The following KCNIP4 variants were observed in gnomAD, a reference collection of about 807,000 sequenced individuals.
The protein encoded by KCNIP4 is potassium voltage-gated channel interacting protein 4.
A neutral mutation model predicts 34.0 loss-of-function variants in KCNIP4; 12 were observed. The ratio of observed to expected loss-of-function variants is 0.35; its 90% CI spans 0.23 to 0.57. The LOEUF (loss-of-function observed/expected upper bound fraction) is 0.57, where lower values mean the gene tolerates loss of function less well. Ranked by LOEUF, KCNIP4 falls within the 20% of genes least tolerant of loss-of-function variation. The probability of loss-of-function intolerance (pLI) is 0.83; values close to 1 mark genes in which losing one functional copy is unlikely to be tolerated. For missense variants in KCNIP4, 238 were observed against 311.7 expected (o/e 0.76, Z 1.78); for synonymous variants, 124 against 102.2 (o/e 1.21, Z -1.29).
At chr4:21,310,875 G>A (rs541860361) in intron 1 of KCNIP4, among the ~76,000 whole-genome samples, 12 of 152,014 alleles carry the variant, frequency 7.9e-5, no homozygotes, top group African/African-American at 1.5e-4. Context: ...TGATCCGCCC[G>A]CCTCGACCTC....
intron 1 of KCNIP4, among the ~76,000 whole-genome samples, chr4:21,704,991 A>G (rs1713153847): frequency 6.6e-6 from 1 of 152,202 alleles, no homozygotes. Context: ...GTGAATGGTT[A>G]ATGAAATTGT....
chr4:21,924,389 G>T (rs1457339253), intron 1 of KCNIP4, among the ~76,000 whole-genome samples: 1 of 151,676 alleles, frequency 6.6e-6, no homozygotes, highest in African/African-American at 2.4e-5. Context: ...GACTACAGGT[G>T]CCCACCACCA....
intron 5 of KCNIP4, among the ~76,000 whole-genome samples, chr4:20,749,156 A>T (rs55819488): frequency 2.4e-3 from 260 of 109,860 alleles, no homozygotes; most frequent in South Asian, 7.1e-3. Context: ...AGACTCTTTC[A>T]AAAAAAAAAA....
intron 1 of KCNIP4, among the ~76,000 whole-genome samples, chr4:21,742,886 G>A (rs542728421): frequency 4.6e-5 from 7 of 152,136 alleles, no homozygotes; most frequent in Admixed American, 2.0e-4. Context: ...AGGATATCTC[G>A]GGGTAGTGGG....
chr4:20,736,162 T>C (rs191293494), intron 5 of KCNIP4, among the ~76,000 whole-genome samples: 1 of 152,364 alleles, frequency 6.6e-6, no homozygotes. Flanking sequence ...ATAAATAGTT[T>C]GTATTTACTT....
At chr4:21,777,210 A>C (rs904526963) in intron 1 of KCNIP4, among the ~76,000 whole-genome samples, 2 of 152,216 alleles carry the variant, frequency 1.3e-5, no homozygotes, top group Non-Finnish European at 2.9e-5. Context: ...CCAGCCATGC[A>C]GAATTGTGAG....
In KCNIP4 at chr4:21,932,886, T is replaced by C. The variant is rs115346401; in HGVS notation, c.61+15685A>G. The stretch of plus-strand genomic sequence containing the variant: ...TATACATGTATAATCTATGAAAAAA[T>C]CTATCAAAATGAAGAACATGCCCTA... On this transcript the variant is annotated intron_variant, in intron 1 of 8. Transcript: ENST00000382152. Among the ~76,000 whole-genome samples, 671 of 147,990 alleles carry C rather than the reference T, an allele frequency of 4.5e-3. 3 individuals are homozygous for C. Among genetic ancestry groups the C allele is most frequent in the African/African-American group, 0.016 (634 of 39,884 alleles).
At chr4:21,714,785 G>GACTATTTTATTTTATTTT (rs939238600) in intron 1 of KCNIP4, among the ~76,000 whole-genome samples, 2 of 43,388 alleles carry the variant, frequency 4.6e-5, no homozygotes, top group Admixed American at 3.5e-4. Context: ...ATTTCCCTTT[G>GACTATTTTATTTTATTTT]ATTATTTTAT....
chr4:21,498,632 C>T (rs918435566), intron 1 of KCNIP4, among the ~76,000 whole-genome samples: 3 of 152,088 alleles, frequency 2.0e-5, no homozygotes, highest in Non-Finnish European at 4.4e-5. Flanking sequence ...ACAGACAAAC[C>T]TTTTGTGACA....
chr4:21,244,582 A>G (rs938858384), intron 1 of KCNIP4, among the ~76,000 whole-genome samples: 8 of 152,194 alleles, frequency 5.3e-5, no homozygotes, highest in African/African-American at 1.7e-4. Context: ...ACAGAGAGGA[A>G]AATGTCTTCC....
intron 1 of KCNIP4, among the ~76,000 whole-genome samples, chr4:21,737,115 C>T (rs1560676622): frequency 1.3e-5 from 2 of 152,144 alleles, no homozygotes; most frequent in African/African-American, 4.8e-5. Context: ...GACCTGGTGC[C>T]TATTTAGTGA....
At chr4:21,674,793 C>T (rs1445964073) in intron 1 of KCNIP4, among the ~76,000 whole-genome samples, 1 of 152,102 alleles carries the variant, frequency 6.6e-6, no homozygotes, top group Non-Finnish European at 1.5e-5. Context: ...TTGAACAGTA[C>T]CTGTATTTTA....
intron 1 of KCNIP4, among the ~76,000 whole-genome samples, chr4:21,154,478 C>G (rs1258012565): frequency 6.8e-6 from 1 of 146,132 alleles, no homozygotes; most frequent in Admixed American, 6.6e-5. Context: ...ATTGCACAAC[C>G]CCTGTGTCAT....
intron 1 of KCNIP4, among the ~76,000 whole-genome samples, chr4:21,247,700 A>T (rs1198722855): frequency 4.3e-5 from 5 of 116,790 alleles, no homozygotes; most frequent in African/African-American, 2.6e-4. Flanking sequence ...TATCTATATA[A>T]ATATAAAAAG....
At chr4:21,795,919 A>G (rs1720595891) in intron 1 of KCNIP4, among the ~76,000 whole-genome samples, 1 of 152,042 alleles carries the variant, frequency 6.6e-6, no homozygotes, top group African/African-American at 2.4e-5. Flanking sequence ...AAAATGCAAA[A>G]ATTAGCTGGG....
chr4:21,576,231 C>T (rs1161096125), intron 1 of KCNIP4, among the ~76,000 whole-genome samples: 1 of 152,060 alleles, frequency 6.6e-6, no homozygotes, highest in Non-Finnish European at 1.5e-5. Flanking sequence ...AAAACCCTGA[C>T]ATTGGAGATT....
chr4:21,013,005 A>G (rs1020723484), intron 1 of KCNIP4, among the ~76,000 whole-genome samples: 2 of 152,198 alleles, frequency 1.3e-5, no homozygotes, highest in Non-Finnish European at 2.9e-5. Flanking sequence ...GCCAAAGGCA[A>G]TGAGCACAGA....
rs146261269 is a variant in KCNIP4, at chr4:21,408,616, C to T, written c.62-525907G>A. 7.6e-4 allele frequency among the ~76,000 whole-genome samples: 115 copies of T among 152,254 alleles called. 1 individual carries two copies. The highest frequency in any genetic ancestry group is 6.8e-3 in the Middle Eastern group (2 of 294). The stretch of plus-strand genomic sequence containing the variant: ...TTGTTTCAATTCAATGGTTTCAATG[C>T]GATGCAATTTAATTAATCTTTTAGA... On this transcript the variant is annotated intron_variant, in intron 1 of 8. Transcript: ENST00000382152.
Position 21,798,682 on chromosome 4 carries a change from G to A in KCNIP4, c.61+149889C>T, listed in dbSNP as rs544281975. 9.0e-4 allele frequency among the ~76,000 whole-genome samples: 137 copies of A among 151,898 alleles called. 1 individual carries two copies. The highest frequency in any genetic ancestry group is 6.8e-3 in the Middle Eastern group (2 of 294). On this transcript the variant is annotated intron_variant, in intron 1 of 8. Coordinates refer to ENST00000382152, the MANE Select transcript of KCNIP4 (RefSeq NM_025221.6). ...TGTTAAGCTTTTTGGAGGTGATATAGTTTGAAAGTGAAGAAATATCTACTT... is the reference window on the plus strand; with the variant it reads ...TGTTAAGCTTTTTGGAGGTGATATAATTTGAAAGTGAAGAAATATCTACTT...
Sources: gnomAD v4.1 joint callset for allele counts (sites outside exome capture counted in the v4.1 genomes callset) on GRCh38, gnomAD v4.1.1 for gene constraint, MANE v1.5 for transcripts, NCBI Gene and HGNC (gene_info 2026-07-23, HGNC 2026-07-21) for gene names.